The following HIPK2 variants were observed in gnomAD, a reference collection of about 807,000 sequenced individuals.
The protein encoded by HIPK2 is homeodomain-interacting protein kinase 2.
Under a neutral mutation model 113.7 loss-of-function variants are expected in HIPK2, and 27 were observed. The ratio of observed to expected loss-of-function variants is 0.24; its 90% CI spans 0.17 to 0.33. The LOEUF (loss-of-function observed/expected upper bound fraction) is 0.33. HIPK2 is among the 10% of genes least tolerant of loss of function. The pLI is 1.00. For missense variants in HIPK2, 1,257 were observed against 1,588.0 expected, an observed-to-expected ratio of 0.79 and a Z score of 3.54; for synonymous variants, 631 against 642.2, an observed-to-expected ratio of 0.98 and a Z score of 0.26.
chr7:139,673,051 G>T (rs1028650577), intron 2 of HIPK2, among the ~76,000 whole-genome samples: 1 of 148,774 alleles, frequency 6.7e-6, no homozygotes, highest in East Asian at 2.0e-4. Context: ...GTGGAGGACA[G>T]AAAGTCCTAG....
chr7:139,634,899 A>G (rs1800756211), intron 2 of HIPK2, among the ~76,000 whole-genome samples: 1 of 152,056 alleles, frequency 6.6e-6, no homozygotes, highest in Admixed American at 6.6e-5. Flanking sequence ...GCTGGTCTCA[A>G]GCTCCTGATC....
intron 2 of HIPK2, among the ~76,000 whole-genome samples, chr7:139,679,940 T>C (rs1015796690): frequency 1.3e-5 from 2 of 152,000 alleles, no homozygotes; most frequent in Admixed American, 1.3e-4. Context: ...AAGAATCATT[T>C]TGACATGGAC....
Position 139,631,345 on chromosome 7 carries a change from A to G in HIPK2, c.1228-61T>C. 6.5e-7 allele frequency: 1 copy of G among 1,543,354 alleles called. No homozygotes were observed. On this transcript the variant is annotated intron_variant, in intron 3 of 14. Transcript: ENST00000406875. This position sits in a 1 kb window ranked among gnomAD's most constrained non-coding sequence, Gnocchi z 4.9. The stretch of plus-strand genomic sequence containing the variant: ...CCTGTCACTATACATATGGTATACT[A>G]ATGGCTCTGCTGGCTTTGAGAAAAA...
intron 2 of HIPK2, among the ~76,000 whole-genome samples, chr7:139,710,092 A>G (rs928647354): frequency 6.6e-6 from 1 of 151,950 alleles, no homozygotes; most frequent in African/African-American, 2.4e-5. Flanking sequence ...TGCCATTCCA[A>G]TTGATTTATA....
chr7:139,654,724 C>T (rs9656517), intron 2 of HIPK2, among the ~76,000 whole-genome samples: 126,524 of 152,048 alleles, frequency 0.83, 53,327 homozygotes, highest in African/African-American at 0.92. Flanking sequence ...AAGGACAAAG[C>T]GCAACATGGA....
intron 1 of HIPK2, among the ~76,000 whole-genome samples, chr7:139,731,365 G>C (rs1041956357): frequency 6.6e-6 from 1 of 152,160 alleles, no homozygotes; most frequent in Non-Finnish European, 1.5e-5. Flanking sequence ...AAATATATTT[G>C]TTCATTGTGA....
chr7:139,643,534 T>A (rs1801102963), intron 2 of HIPK2, among the ~76,000 whole-genome samples: 1 of 152,134 alleles, frequency 6.6e-6, no homozygotes, highest in African/African-American at 2.4e-5. Context: ...GAATATAATC[T>A]CCAAAGGCTT....
chr7:139,575,023 A>C (rs1376628649), intron 14 of HIPK2, 105 bp downstream of exon 14: 14 of 1,412,248 alleles, frequency 9.9e-6, no homozygotes, highest in Non-Finnish European at 9.4e-7. Context: ...CCAGGACTGC[A>C]GCCCTGTGAG....
At chr7:139,575,396 G>C (rs2116482144) in intron 13 of HIPK2, 108 bp from the exon 14 acceptor site, 1 of 1,310,914 alleles carries the variant, frequency 7.6e-7, no homozygotes, top group African/African-American at 1.5e-5. Context: ...ATGTGCCTGA[G>C]GCCGGGCAGT....
intron 13 of HIPK2, among the ~76,000 whole-genome samples, chr7:139,581,040 T>C (rs1262333334): frequency 6.7e-6 from 1 of 148,826 alleles, no homozygotes; most frequent in African/African-American, 2.6e-5. Flanking sequence ...GCTAACGCGG[T>C]GAAACCCCAT....
intron 2 of HIPK2, among the ~76,000 whole-genome samples, chr7:139,710,993 C>T (rs1383687907): frequency 7.3e-6 from 1 of 137,150 alleles, no homozygotes; most frequent in Non-Finnish European, 1.5e-5. Flanking sequence ...AACTGTGAGT[C>T]AATTAAACCT....
intron 1 of HIPK2, among the ~76,000 whole-genome samples, chr7:139,747,218 T>G (rs958433363): frequency 4.6e-5 from 7 of 152,296 alleles, no homozygotes; most frequent in African/African-American, 1.2e-4. Context: ...ATTCAGGGGC[T>G]GGAGGCAGGG....
intron 1 of HIPK2, among the ~76,000 whole-genome samples, chr7:139,773,465 T>C (rs775404721): frequency 1.3e-5 from 2 of 152,108 alleles, no homozygotes; most frequent in Non-Finnish European, 2.9e-5. Context: ...AGTCCTTGAA[T>C]TGTCATCAAT....
chr7:139,746,623 G>A (rs1476863722), intron 1 of HIPK2, among the ~76,000 whole-genome samples: 3 of 152,252 alleles, frequency 2.0e-5, no homozygotes, highest in African/African-American at 2.4e-5. Context: ...TGCACATGTG[G>A]CACAAGCTAC....
chr7:139,688,563 T>G (rs1002422903), intron 2 of HIPK2, among the ~76,000 whole-genome samples: 1 of 152,190 alleles, frequency 6.6e-6, no homozygotes, highest in East Asian at 1.9e-4. Context: ...GTTGGGGGTA[T>G]GATCCCAGTT....
intron 1 of HIPK2, among the ~76,000 whole-genome samples, chr7:139,747,487 G>GT (rs1417241975): frequency 1.3e-5 from 2 of 152,190 alleles, no homozygotes; most frequent in African/African-American, 4.8e-5. Context: ...TTTTCTTCAA[G>GT]TATCTTAATC....
At chr7:139,755,344 G>A (rs1158879506) in intron 1 of HIPK2, among the ~76,000 whole-genome samples, 1 of 152,184 alleles carries the variant, frequency 6.6e-6, no homozygotes, top group African/African-American at 2.4e-5. Flanking sequence ...CAACCCTGGA[G>A]CTGATGACCT....
At chr7:139,728,420 G>A (rs1795653687) in intron 1 of HIPK2, among the ~76,000 whole-genome samples, 1 of 152,230 alleles carries the variant, frequency 6.6e-6, no homozygotes, top group African/African-American at 2.4e-5. Flanking sequence ...GGTTCCTTCT[G>A]AGGGCTGGAA....
intron 2 of HIPK2, among the ~76,000 whole-genome samples, chr7:139,651,671 C>T (rs191714943): frequency 2.6e-5 from 4 of 152,266 alleles, no homozygotes; most frequent in Non-Finnish European, 4.4e-5. Context: ...AGCTCTATAG[C>T]GGGGGCACTG....
Sources: gnomAD v4.1 joint callset for allele counts (sites outside exome capture counted in the v4.1 genomes callset) on GRCh38, gnomAD v4.1.1 for gene constraint, Gnocchi (gnomAD v3.1) non-coding constraint, MANE v1.5 for transcripts, NCBI Gene and HGNC (gene_info 2026-07-23, HGNC 2026-07-21) for gene names.